WWOX: variants seen among roughly 807,000 people sequenced by gnomAD.
WWOX encodes the protein WW domain-containing oxidoreductase.
WWOX carries 69 observed loss-of-function variants against 46.2 expected under a neutral mutation model. That is an observed-to-expected ratio of 1.49 (90% CI 1.23 to 1.82). The LOEUF is 1.82. WWOX is among the 40% of genes most tolerant of loss of function. WWOX has a pLI of 0.00. For synonymous variants in WWOX, 359 were observed against 202.6 expected, an observed-to-expected ratio of 1.77 and a Z score of -6.56; for missense variants, 919 against 542.6, an observed-to-expected ratio of 1.69 and a Z score of -6.89.
chr16:79,051,589 G>C (rs141232016), intron 8 of WWOX, among the ~76,000 whole-genome samples: 1 of 152,072 alleles, frequency 6.6e-6, no homozygotes, highest in Non-Finnish European at 1.5e-5. Context: ...GGGAGGGAGC[G>C]TCAACATTAG....
At chr16:79,085,613 A>G (rs2048840227) in intron 8 of WWOX, among the ~76,000 whole-genome samples, 1 of 152,206 alleles carries the variant, frequency 6.6e-6, no homozygotes, top group African/African-American at 2.4e-5. Flanking sequence ...GTCCACATAG[A>G]AAAACCTGTT....
At chr16:79,160,367 C>A (rs143659361) in intron 8 of WWOX, among the ~76,000 whole-genome samples, 3 of 152,140 alleles carry the variant, frequency 2.0e-5, no homozygotes, top group Non-Finnish European at 4.4e-5. Context: ...TACCTAGTCC[C>A]GGCTCCACCT....
chr16:78,380,131 G>C (rs1477865585), intron 5 of WWOX, among the ~76,000 whole-genome samples: 1 of 152,162 alleles, frequency 6.6e-6, no homozygotes, highest in African/African-American at 2.4e-5. Context: ...TGGGCTACCG[G>C]GTTACCAAGA....
At position 78,374,588 on chromosome 16, in the gene WWOX, G is replaced by A. The variant is rs183173068; in HGVS notation, c.517-12272G>A. ...TTTTAAGGCAGAGTTTCTGTCTGTCGCCCAGGCTGGAGTGCAGTGGCGCGA... is the reference window on the plus strand; with the variant it reads ...TTTTAAGGCAGAGTTTCTGTCTGTCACCCAGGCTGGAGTGCAGTGGCGCGA... On this transcript the variant is annotated intron_variant, in intron 5 of 8. Coordinates refer to ENST00000566780, the MANE Select transcript of WWOX (RefSeq NM_016373.4). Among the ~76,000 whole-genome samples, 4 of 129,892 alleles carry A rather than the reference G, an allele frequency of 3.1e-5. No homozygotes were observed. In the East Asian group the frequency reaches 7.7e-4, roughly 25 times the overall value. 85.2% of individuals were successfully genotyped at this position (129,892 alleles called of 152,430 possible).
intron 8 of WWOX, among the ~76,000 whole-genome samples, chr16:78,660,614 A>G (rs1414397427): frequency 6.6e-6 from 1 of 152,022 alleles, no homozygotes; most frequent in African/African-American, 2.4e-5. Flanking sequence ...CCAGCTCCCT[A>G]CTCACTTGGG....
At chr16:78,490,448 C>G (rs532280559) in intron 8 of WWOX, among the ~76,000 whole-genome samples, 1 of 152,266 alleles carries the variant, frequency 6.6e-6, no homozygotes, top group South Asian at 2.1e-4. Flanking sequence ...TGGTGAAATT[C>G]TCTTGTGATC....
intron 8 of WWOX, among the ~76,000 whole-genome samples, chr16:78,672,416 T>C (rs1027081341): frequency 6.6e-6 from 1 of 152,082 alleles, no homozygotes; most frequent in African/African-American, 2.4e-5. Context: ...AGTGTATGGA[T>C]TGGTGATTTT....
chr16:78,357,504 C>G (rs1251561518), intron 5 of WWOX, among the ~76,000 whole-genome samples: 1 of 152,120 alleles, frequency 6.6e-6, no homozygotes, highest in African/African-American at 2.4e-5. Context: ...GCAACACTGT[C>G]TTTGTGATGT....
At chr16:78,554,440 C>G (rs2738512) in intron 8 of WWOX, among the ~76,000 whole-genome samples, 1 of 152,096 alleles carries the variant, frequency 6.6e-6, no homozygotes, top group African/African-American at 2.4e-5. Flanking sequence ...ACAGTAAAAC[C>G]TAGCATATGA....
At chr16:78,134,957 G>A (rs887340914) in intron 4 of WWOX, among the ~76,000 whole-genome samples, 11 of 152,298 alleles carry the variant, frequency 7.2e-5, no homozygotes, top group African/African-American at 2.6e-4. Flanking sequence ...GGTGACAAAT[G>A]GTGCTGATGG....
chr16:79,092,892 A>G (rs1012728536), intron 8 of WWOX, among the ~76,000 whole-genome samples: 9 of 152,194 alleles, frequency 5.9e-5, no homozygotes, highest in African/African-American at 2.2e-4. Context: ...TTGGATTTCA[A>G]CTAGATAAGG....
intron 8 of WWOX, among the ~76,000 whole-genome samples, chr16:78,433,808 G>C: frequency 5.6e-5 from 1 of 17,862 alleles, no homozygotes; most frequent in African/African-American, 1.0e-4. Flanking sequence ...TTTTTTTTTT[G>C]AGACGGAGTC....
At chr16:78,249,919 G>T (rs1010941956) in intron 5 of WWOX, among the ~76,000 whole-genome samples, 1 of 152,166 alleles carries the variant, frequency 6.6e-6, no homozygotes, top group Admixed American at 6.5e-5. Context: ...AGATAGCAAA[G>T]AGAACTCAGA....
intron 5 of WWOX, among the ~76,000 whole-genome samples, chr16:78,302,562 C>G (rs1442346966): frequency 6.6e-6 from 1 of 152,094 alleles, no homozygotes; most frequent in Non-Finnish European, 1.5e-5. Context: ...GAGAGAAATG[C>G]CAATTCAGAG....
intron 8 of WWOX, among the ~76,000 whole-genome samples, chr16:79,175,482 A>G (rs1055674763): frequency 2.0e-5 from 3 of 152,128 alleles, no homozygotes; most frequent in Non-Finnish European, 2.9e-5. Context: ...TCACGTGACA[A>G]TCTGTGTCTG....
chr16:78,982,695 C>T (rs1446173946), intron 8 of WWOX, among the ~76,000 whole-genome samples: 3 of 152,182 alleles, frequency 2.0e-5, no homozygotes, highest in Non-Finnish European at 4.4e-5. Context: ...GCTCCTCAAA[C>T]ATGTATGCTT....
At chr16:78,782,976 G>A (rs766679217) in intron 8 of WWOX, among the ~76,000 whole-genome samples, 2 of 152,162 alleles carry the variant, frequency 1.3e-5, no homozygotes, top group Non-Finnish European at 2.9e-5. Flanking sequence ...ATGCCTGCCT[G>A]TGAACACAGG....
intron 8 of WWOX, among the ~76,000 whole-genome samples, chr16:78,830,489 CT>C (rs1597686936): frequency 6.6e-6 from 1 of 151,926 alleles, no homozygotes; most frequent in Admixed American, 6.6e-5. Context: ...CTGAAGAGGC[CT>C]CAAAATTAGA....
intron 8 of WWOX, among the ~76,000 whole-genome samples, chr16:79,062,066 G>C (rs373474446): frequency 6.6e-6 from 1 of 152,110 alleles, no homozygotes; most frequent in Admixed American, 6.5e-5. Flanking sequence ...ACTTCAGCTA[G>C]AAGATGCAAG....
Sources: allele counts gnomAD v4.1 joint callset (sites outside exome capture counted in the v4.1 genomes callset), GRCh38; gene constraint gnomAD v4.1.1; transcripts MANE v1.5; gene names NCBI Gene and HGNC (gene_info 2026-07-23, HGNC 2026-07-21).